SYNDIG1: variants seen among roughly 807,000 people sequenced by gnomAD.
SYNDIG1 encodes the protein synapse differentiation inducing 1.
SYNDIG1 carries 9 observed loss-of-function variants against 19.4 expected under a neutral mutation model. The observed-to-expected ratio is 0.46, with a 90% CI of 0.28 to 0.81. The LOEUF (loss-of-function observed/expected upper bound fraction) is 0.81, where lower values mean the gene tolerates loss of function less well. Among genes scored for constraint, SYNDIG1 ranks in the 30% least tolerant of loss-of-function variants. The pLI, the probability that SYNDIG1 is intolerant of heterozygous loss-of-function variation, is 0.12. For missense variants in SYNDIG1, 311 were observed against 343.3 expected, an observed-to-expected ratio of 0.91 and a Z score of 0.74; for synonymous variants, 141 against 145.9, an observed-to-expected ratio of 0.97 and a Z score of 0.24.
chr20:24,646,833 C>G (rs192579008), intron 3 of SYNDIG1, among the ~76,000 whole-genome samples: 6 of 152,244 alleles, frequency 3.9e-5, no homozygotes, highest in African/African-American at 1.4e-4. Context: ...GTTGGCCAGG[C>G]TGGTCTCGAA....
chr20:24,500,474 TTTTCTTTCTTTCTTTCTTTCTTTC>T lies in SYNDIG1; in HGVS notation c.-79+30756_-79+30779del, dbSNP rs138037383. 3.3e-3 allele frequency among the ~76,000 whole-genome samples: 451 copies of T among 136,370 alleles called. 2 individuals carry two copies. Among genetic ancestry groups the T allele is most frequent in the African/African-American group, 7.8e-3 (275 of 35,238 alleles). The allele number at this position is 136,370 out of a possible 152,430, so 89.5% of individuals were successfully genotyped here. A position where few individuals can be genotyped will look rare whatever the true frequency, so the allele number is the denominator to read the frequency against. ...CTAGTTGGAAAACAAAAGCAGATTC[TTTTCTTTCTTTCTTTCTTTCTTTC>T]TTTCTTTCTTTCTTTCTTTCTTTCT... On this transcript the variant is annotated intron_variant, in intron 1 of 3. Coordinates refer to ENST00000376862, the MANE Select transcript of SYNDIG1 (RefSeq NM_024893.3).
At chr20:24,662,464 T>G (rs1014536106) in intron 3 of SYNDIG1, among the ~76,000 whole-genome samples, 5 of 152,142 alleles carry the variant, frequency 3.3e-5, no homozygotes, top group African/African-American at 1.2e-4. Context: ...GACATCTCCC[T>G]TGGGGGCTAC....
chr20:24,604,611 C>A (rs2147140523), intron 3 of SYNDIG1, among the ~76,000 whole-genome samples: 1 of 152,332 alleles, frequency 6.6e-6, no homozygotes, highest in African/African-American at 2.4e-5. Flanking sequence ...GAATTGCTCA[C>A]TCTTTTCCCA....
intron 1 of SYNDIG1, among the ~76,000 whole-genome samples, chr20:24,528,365 T>A (rs1374296977): frequency 1.3e-5 from 2 of 152,220 alleles, no homozygotes; most frequent in Non-Finnish European, 2.9e-5. Flanking sequence ...TTTCTTCCTG[T>A]GTTTAGTGCT....
At chr20:24,601,192 G>A (rs1372461190) in intron 3 of SYNDIG1, among the ~76,000 whole-genome samples, 1 of 152,112 alleles carries the variant, frequency 6.6e-6, no homozygotes, top group African/African-American at 2.4e-5. Flanking sequence ...AACCCTAATT[G>A]ATCATAATTT....
At chr20:24,492,584 A>T (rs1234532338) in intron 1 of SYNDIG1, among the ~76,000 whole-genome samples, 1 of 152,150 alleles carries the variant, frequency 6.6e-6, no homozygotes, top group East Asian at 1.9e-4. Context: ...GTGGGGAGAG[A>T]GTGTAAGAAG....
rs551122314 is a variant in SYNDIG1, at chr20:24,479,133, G to A, written c.-79+9380G>A. 2.0e-5 allele frequency among the ~76,000 whole-genome samples: 3 copies of A among 152,284 alleles called. No individual in the cohort carries two copies. The South Asian group carries it at 6.2e-4, about 32-fold the overall frequency. ...TCAGTCTCTCCATAAGACTAAGTTG[G>A]TGCCTAATTAGAGTAAAAACAAGGA... On this transcript the variant is annotated intron_variant, in intron 1 of 3. Coordinates refer to ENST00000376862, the MANE Select transcript of SYNDIG1 (RefSeq NM_024893.3).
chr20:24,637,622 T>G (rs1044581234), intron 3 of SYNDIG1, among the ~76,000 whole-genome samples: 1 of 151,942 alleles, frequency 6.6e-6, no homozygotes, highest in Non-Finnish European at 1.5e-5. Context: ...GTCACTAAAG[T>G]CCTAAATTTC....
At chr20:24,632,447 C>T (rs2059258543) in intron 3 of SYNDIG1, among the ~76,000 whole-genome samples, 2 of 152,116 alleles carry the variant, frequency 1.3e-5, no homozygotes, top group African/African-American at 4.8e-5. Context: ...ACCACGTTGG[C>T]CAGGCTGGTC....
Position 24,480,893 on chromosome 20 carries a change from T to C in SYNDIG1, c.-79+11140T>C, listed in dbSNP as rs77357457. Among the ~76,000 whole-genome samples the C allele has an allele frequency of 3.2e-3, 485 of 152,304 alleles. 1 individual carries two copies. The highest frequency in any genetic ancestry group is 0.011 in the African/African-American group (461 of 41,558). On this transcript the variant is annotated intron_variant, in intron 1 of 3. Transcript: ENST00000376862. ...CAGAGACAAAAAGGCACATACGATATGGTTTCACTTATCTGACATACTGAG... is the reference window on the plus strand; with the variant it reads ...CAGAGACAAAAAGGCACATACGATACGGTTTCACTTATCTGACATACTGAG...
intron 2 of SYNDIG1, among the ~76,000 whole-genome samples, chr20:24,578,424 A>T (rs2058265166): frequency 1.3e-5 from 2 of 150,022 alleles, no homozygotes; most frequent in Non-Finnish European, 3.0e-5. Flanking sequence ...GCTGGGAGAC[A>T]GTGCGAGACT....
At chr20:24,501,975 C>T (rs983324431) in intron 1 of SYNDIG1, among the ~76,000 whole-genome samples, 10 of 152,206 alleles carry the variant, frequency 6.6e-5, no homozygotes, top group South Asian at 2.1e-4. Flanking sequence ...AGCTAAGGGC[C>T]GAGAACGAAT....
At chr20:24,611,728 C>G (rs953239811) in intron 3 of SYNDIG1, among the ~76,000 whole-genome samples, 1 of 152,190 alleles carries the variant, frequency 6.6e-6, no homozygotes, top group Non-Finnish European at 1.5e-5. Context: ...AGGAGCCTCT[C>G]CCAGGCCCTT....
intron 3 of SYNDIG1, among the ~76,000 whole-genome samples, chr20:24,639,977 A>G (rs1863173864): frequency 6.6e-6 from 1 of 152,222 alleles, no homozygotes; most frequent in East Asian, 1.9e-4. Flanking sequence ...TTTTCATTCT[A>G]GTAAATAACA....
At chr20:24,496,367 A>G (rs1305311697) in intron 1 of SYNDIG1, among the ~76,000 whole-genome samples, 1 of 152,186 alleles carries the variant, frequency 6.6e-6, no homozygotes, top group Non-Finnish European at 1.5e-5. Context: ...ATATCTCTCC[A>G]TATATTTAGG....
At position 24,472,912 on chromosome 20, in the gene SYNDIG1, A is replaced by T. The variant is rs116846682; in HGVS notation, c.-79+3159A>T. The stretch of plus-strand genomic sequence containing the variant: ...AGGTGTCCTTAGTTAACCTTTTGTA[A>T]GATGAATAACCATCTTGTAGGTGAG... On this transcript the variant is annotated intron_variant, in intron 1 of 3. Transcript: ENST00000376862. Among the ~76,000 whole-genome samples, 20 of 152,348 alleles carry T rather than the reference A, an allele frequency of 1.3e-4. No homozygotes were observed. In the East Asian group the frequency reaches 3.9e-3, roughly 29 times the overall value.
Position 24,660,958 on chromosome 20 carries a change from G to A in SYNDIG1, c.619-4388G>A, listed in dbSNP as rs528652577. On this transcript the variant is annotated intron_variant, in intron 3 of 3. Transcript: ENST00000376862. ...GTAGGAACCGGCTGGTCACCCGCCCGCAGTGCTGGACATGCATGGAGCCAG... is the reference window on the plus strand; with the variant it reads ...GTAGGAACCGGCTGGTCACCCGCCCACAGTGCTGGACATGCATGGAGCCAG... Among the ~76,000 whole-genome samples, 19 of 152,314 alleles carry A rather than the reference G, an allele frequency of 1.2e-4. No homozygotes were observed. The East Asian group carries it at 2.5e-3, about 20-fold the overall frequency.
intron 3 of SYNDIG1, among the ~76,000 whole-genome samples, chr20:24,644,893 T>C (rs913768766): frequency 6.6e-6 from 1 of 152,164 alleles, no homozygotes; most frequent in Non-Finnish European, 1.5e-5. Context: ...AAGACTGGTG[T>C]ATATTAACAC....
chr20:24,580,572 G>A (rs936909977), intron 2 of SYNDIG1, among the ~76,000 whole-genome samples: 1 of 151,990 alleles, frequency 6.6e-6, no homozygotes, highest in Admixed American at 6.6e-5. Context: ...ACGAAGCTCA[G>A]CTATTTATAT....
Sources: allele counts gnomAD v4.1 joint callset (sites outside exome capture counted in the v4.1 genomes callset), GRCh38; gene constraint gnomAD v4.1.1; transcripts MANE v1.5; gene names NCBI Gene and HGNC (gene_info 2026-07-23, HGNC 2026-07-21).